The following FHDC1 variants were observed in gnomAD, a reference collection of about 807,000 sequenced individuals.
The protein encoded by FHDC1 is FH2 domain-containing protein 1.
In FHDC1, 25 loss-of-function variants were observed where a neutral mutation model predicts 52.6. The observed-to-expected ratio is 0.48, with a 90% CI of 0.35 to 0.66. FHDC1 has a LOEUF of 0.66. Ranked by LOEUF, FHDC1 falls within the 30% of genes least tolerant of loss-of-function variation. The pLI, the probability that FHDC1 is intolerant of heterozygous loss-of-function variation, is 0.01. For missense variants in FHDC1, 1,459 were observed against 1,452.8 expected, an observed-to-expected ratio of 1.00 and a Z score of -0.07; for synonymous variants, 616 against 581.5, an observed-to-expected ratio of 1.06 and a Z score of -0.85.
chr4:152,915,797 AAAGTATTACCCT>A, the FHDC1 span, among the ~76,000 whole-genome samples: 3 of 152,224 alleles, frequency 2.0e-5, no homozygotes, highest in Admixed American at 6.5e-5. Context: ...CCATAATACC[AAAGTATTACCCT>A]ACAAATGGCT....
intron 6 of FHDC1, 117 bp downstream of exon 6, chr4:152,960,961 A>C: frequency 1.5e-6 from 1 of 648,498 alleles, no homozygotes; most frequent in Non-Finnish European, 2.5e-6. Context: ...ATACCCTTAA[A>C]AGGGAAATGA....
chr4:152,920,190 A>AC, the FHDC1 span, among the ~76,000 whole-genome samples: 42 of 151,754 alleles, frequency 2.8e-4, no homozygotes, highest in African/African-American at 9.9e-4. Flanking sequence ...CAGGTGATCC[A>AC]CCCCCATTGG....
chr4:152,935,846 T>TGC (rs61637727), upstream of FHDC1, among the ~76,000 whole-genome samples: 56,298 of 151,512 alleles, frequency 0.37, 11,638 homozygotes, highest in Admixed American at 0.49. Context: ...TGTGTGTGTG[T>TGC]GCGCGCGTGT....
At chr4:152,949,124 T>TAAGAAGAAG (rs201070214) in intron 2 of FHDC1, among the ~76,000 whole-genome samples, 2,009 of 74,572 alleles carry the variant, frequency 0.027, 34 homozygotes, top group East Asian at 0.044. Context: ...ATAATAATAA[T>TAAGAAGAAG]AAGAAGAAGA....
At chr4:152,931,814 G>A (rs1045979738), upstream of FHDC1, among the ~76,000 whole-genome samples, 11 of 151,956 alleles carry the variant, frequency 7.2e-5, no homozygotes, top group African/African-American at 2.4e-4. Flanking sequence ...GCATGTGGCT[G>A]TAGTCCCACC....
intron 10 of FHDC1, among the ~76,000 whole-genome samples, chr4:152,970,641 T>C (rs1330442785): frequency 1.3e-5 from 2 of 152,230 alleles, no homozygotes; most frequent in Non-Finnish European, 2.9e-5. Flanking sequence ...CAGGCAAAGA[T>C]TTATCCTTTC....
chr4:152,935,371 C>T (rs577967705), upstream of FHDC1, among the ~76,000 whole-genome samples: 4 of 152,054 alleles, frequency 2.6e-5, no homozygotes, highest in Non-Finnish European at 5.9e-5. Flanking sequence ...GCCTCCCTAC[C>T]CCGACAGTGG....
chr4:152,930,462 GGCCA>G, the FHDC1 span, among the ~76,000 whole-genome samples: 2 of 152,014 alleles, frequency 1.3e-5, no homozygotes, highest in African/African-American at 4.8e-5. Flanking sequence ...TTCAGTAGGA[GGCCA>G]GCAAGTTAGG....
At chr4:152,954,375 A>AT (rs1378223581) in intron 4 of FHDC1, 56 bp downstream of exon 4, 1 of 1,450,034 alleles carries the variant, frequency 6.9e-7, no homozygotes, top group Non-Finnish European at 9.7e-7. Flanking sequence ...AAAGCTTAAT[A>AT]TTTTTAAGTG....
At chr4:152,939,289 AGTGTGTGTTTATGT>A (rs1175913913) in intron 1 of FHDC1, among the ~76,000 whole-genome samples, 1 of 151,574 alleles carries the variant, frequency 6.6e-6, no homozygotes, top group Non-Finnish European at 1.5e-5. Flanking sequence ...TGTGTGTTTG[AGTGTGTGTTTATGT>A]GTGTGTGTAT....
chr4:152,975,936 G>T lies in FHDC1; in HGVS notation c.2645G>T (p.Arg882Leu). 2 of 1,513,978 alleles carry T rather than the reference G, an allele frequency of 1.3e-6. No individual in the cohort carries two copies. The highest frequency in any genetic ancestry group is 1.4e-5 in the African/African-American group (1 of 71,742). 93.8% of individuals were successfully genotyped at this position (1,513,978 alleles called of 1,614,324 possible). A position where few individuals can be genotyped will look rare whatever the true frequency, so the allele number is the denominator to read the frequency against. Residue 882 changes from arginine (R) to leucine (L), a missense_variant, in exon 12 of 12, where the codon CGG becomes CTG. Transcript: ENST00000511601. ...GCCTCCAAGCCCGGGAGCGCCCGGC[G>T]GAGCCAGGGGGCAGTGGCCAAGTCT... ...PGASKPGSAR[R>L]SQGAVAKSVR... is the part of the protein sequence containing the mutation.
chr4:152,962,062 G>A (rs1366132516), intron 6 of FHDC1, among the ~76,000 whole-genome samples: 1 of 152,094 alleles, frequency 6.6e-6, no homozygotes, highest in African/African-American at 2.4e-5. Context: ...AAATGTCAGT[G>A]ACATTTTATT....
chr4:152,972,566 T>TG, intron 11 of FHDC1, 25 bp downstream of exon 11: 4 of 1,581,612 alleles, frequency 2.5e-6, no homozygotes, highest in Non-Finnish European at 3.4e-6. Flanking sequence ...ATCTGTGTCT[T>TG]GGGGTTGTTT....
Position 152,942,944 on chromosome 4 carries a change from T to C in FHDC1, c.-114T>C. ...TCTTGCTAGGTTTGGAAGAGGACAG[T>C]TGCCCTTTATTCTGGCGGCAGATAG... is the stretch of plus-strand genomic sequence containing the variant. On this transcript the variant is annotated 5_prime_UTR_variant, in exon 2 of 12. Transcript: ENST00000511601. 8.8e-7 allele frequency: 1 copy of C among 1,138,464 alleles called. No homozygotes were observed. The highest frequency in any genetic ancestry group is 1.3e-6 in the Non-Finnish European group (1 of 796,350). 70.5% of individuals were successfully genotyped at this position (1,138,464 alleles called of 1,614,324 possible).
chr4:152,935,838 TGTGTGTGTGCGCGCGTGTATATAAGA>T (rs924713077), upstream of FHDC1, among the ~76,000 whole-genome samples: 11 of 132,872 alleles, frequency 8.3e-5, no homozygotes, highest in Admixed American at 1.7e-4. Context: ...CGGGTGTGTG[TGTGTGTGTGCGCGCGTGTATATAAGA>T]GTGTGTGCGC....
At chr4:152,936,157 T>C (rs1225099943), upstream of FHDC1, among the ~76,000 whole-genome samples, 1 of 151,334 alleles carries the variant, frequency 6.6e-6, no homozygotes, top group African/African-American at 2.4e-5. Context: ...GCGGTGACGG[T>C]GGCGCGCGTA....
chr4:152,946,547 A>T (rs1739739687), intron 2 of FHDC1, among the ~76,000 whole-genome samples: 1 of 152,224 alleles, frequency 6.6e-6, no homozygotes, highest in Admixed American at 6.5e-5. Context: ...GATCAGTAAT[A>T]AATCTTCCAA....
intron 10 of FHDC1, among the ~76,000 whole-genome samples, chr4:152,972,168 G>A (rs1011555501): frequency 3.9e-5 from 6 of 152,080 alleles, no homozygotes; most frequent in African/African-American, 1.4e-4. Flanking sequence ...GGTCTCACAC[G>A]GGACTTCACC....
At chr4:152,972,971 CCT>C (rs1740686163) in intron 11 of FHDC1, among the ~76,000 whole-genome samples, 1 of 152,192 alleles carries the variant, frequency 6.6e-6, no homozygotes, top group Non-Finnish European at 1.5e-5. Context: ...CCTCCCTTTC[CCT>C]TCTTCCAAGC....
Sources: allele counts gnomAD v4.1 joint callset (sites outside exome capture counted in the v4.1 genomes callset), GRCh38; gene constraint gnomAD v4.1.1; transcripts MANE v1.5; gene names NCBI Gene and HGNC (gene_info 2026-07-23, HGNC 2026-07-21).